DNAJC21: variants seen among roughly 807,000 people sequenced by gnomAD.
The protein encoded by DNAJC21 is DnaJ heat shock protein family (Hsp40) member C21.
DNAJC21 carries 63 observed loss-of-function variants against 72.4 expected under a neutral mutation model. The ratio of observed to expected loss-of-function variants is 0.87; its 90% CI spans 0.71 to 1.07. The LOEUF is 1.07. Ranked by LOEUF, DNAJC21 falls within the 50% of genes least tolerant of loss-of-function variation. The pLI is 0.00. For missense variants in DNAJC21, 634 were observed against 644.8 expected (o/e 0.98, Z 0.18); for synonymous variants, 203 against 216.7 (o/e 0.94, Z 0.56).
At chr5:34,951,838 A>C (rs1046004515) in intron 10 of DNAJC21, 9 of 985,336 alleles carry the variant, frequency 9.1e-6, no homozygotes, top group Non-Finnish European at 1.1e-5. Context: ...TGTTACTTCT[A>C]CATGAGAATT....
intron 10 of DNAJC21, among the ~76,000 whole-genome samples, chr5:34,952,975 C>T (rs1180636941): frequency 1.3e-5 from 2 of 151,858 alleles, no homozygotes; most frequent in Non-Finnish European, 2.9e-5. Context: ...ATGGTAAAAC[C>T]CTGTCTCTAC....
At chr5:34,945,662 T>G in intron 8 of DNAJC21, 99 bp from the exon 9 acceptor site, 2 of 991,538 alleles carry the variant, frequency 2.0e-6, no homozygotes, top group Non-Finnish European at 2.9e-6. Flanking sequence ...CTTTTACTTC[T>G]GTTTTACTAC....
In DNAJC21 at chr5:34,937,591, C is replaced by A; in HGVS notation, c.704C>A (p.Ala235Asp). Residue 235 changes from alanine (A) to aspartate (D), a missense_variant, in exon 5 of 12, where the codon GCC becomes GAC. Coordinates refer to ENST00000648817, the MANE Select transcript of DNAJC21 (RefSeq NM_001012339.3). ...EEQNAEKARK[A>D]EEMRRQQKLK... ...CAGAATGCAGAGAAGGCGAGGAAAG[C>A]CGAAGAGATGAGGCGGCAGCAGAAG... 6.2e-7 allele frequency: 1 copy of A among 1,613,570 alleles called. No individual in the cohort carries two copies. The highest frequency in any genetic ancestry group is 8.5e-7 in the Non-Finnish European group (1 of 1,179,692).
At position 34,953,948 on chromosome 5, in the gene DNAJC21, A is replaced by G. The variant is rs1225568656; in HGVS notation, c.1381A>G (p.Lys461Glu). The G allele has an allele frequency of 6.8e-6, 11 of 1,611,630 alleles. No individual in the cohort carries two copies. The highest frequency in any genetic ancestry group is 9.3e-6 in the Non-Finnish European group (11 of 1,179,276). Residue 461 changes from lysine to glutamate, a missense_variant, in exon 11 of 12, where the codon AAA becomes GAA. Lys to Glu is a moderately conservative substitution (Grantham distance 56, BLOSUM62 1). Coordinates refer to ENST00000648817, the MANE Select transcript of DNAJC21 (RefSeq NM_001012339.3). ...CAGTGTTCCTAAACCCAAAGGAAAG[A>G]AAACCAAAGATATGAAAAAACCTGT... ...AKSVPKPKGKKTKDMKKPVRV... is the reference protein window; with the variant it reads ...AKSVPKPKGKETKDMKKPVRV...
chr5:34,933,334 C>G (rs1476827387), intron 1 of DNAJC21, among the ~76,000 whole-genome samples: 1 of 152,084 alleles, frequency 6.6e-6, no homozygotes, highest in African/African-American at 2.4e-5. Flanking sequence ...CACAGTGGTG[C>G]AATCTAGGCT....
At chr5:34,943,457 C>G (rs1765065850) in intron 7 of DNAJC21, among the ~76,000 whole-genome samples, 1 of 152,190 alleles carries the variant, frequency 6.6e-6, no homozygotes. Context: ...TTCTACCCCT[C>G]ATTTGTCGTG....
At chr5:34,953,018 C>A (rs1246195925) in intron 10 of DNAJC21, among the ~76,000 whole-genome samples, 1 of 151,904 alleles carries the variant, frequency 6.6e-6, no homozygotes, top group African/African-American at 2.4e-5. Flanking sequence ...AGTATGGTGG[C>A]ACGTGCCTGT....
intron 1 of DNAJC21, among the ~76,000 whole-genome samples, chr5:34,931,748 C>T (rs2112016012): frequency 6.6e-6 from 1 of 150,790 alleles, no homozygotes; most frequent in Non-Finnish European, 1.5e-5. Flanking sequence ...GGAGAGTCCG[C>T]AGTGGACAGA....
rs370394264 is a variant in DNAJC21, at chr5:34,942,936, C to T, written c.983+1753C>T. On this transcript the variant is annotated intron_variant, in intron 7 of 11. Transcript: ENST00000648817. The stretch of plus-strand genomic sequence containing the variant: ...CTACAAAATTAGCTGGGCGTGGTGA[C>T]GCATACCTGTAATCCCAGCTACTCA... Among the ~76,000 whole-genome samples the T allele has an allele frequency of 3.9e-3, 596 of 152,188 alleles. 2 individuals are homozygous for T. Among genetic ancestry groups the T allele is most frequent in the African/African-American group, 0.013 (554 of 41,524 alleles).
chr5:34,935,888 C>G (rs1256325993), intron 3 of DNAJC21, 55 bp downstream of exon 3: 35 of 1,603,024 alleles, frequency 2.2e-5, no homozygotes, highest in Non-Finnish European at 2.8e-5. Context: ...TTAAGACTCA[C>G]ATACAAAGAG....
At chr5:34,950,423 T>A (rs1765324326) in intron 10 of DNAJC21, 81 bp downstream of exon 10, 4 of 1,502,668 alleles carry the variant, frequency 2.7e-6, no homozygotes, top group South Asian at 2.8e-5. Context: ...AAATAAAATC[T>A]TCTTTCCCAT....
At chr5:34,939,126 T>A in intron 6 of DNAJC21, 117 bp downstream of exon 6, 2 of 982,058 alleles carry the variant, frequency 2.0e-6, no homozygotes, top group Non-Finnish European at 2.9e-6. Context: ...AATAATGTTG[T>A]ATGGGCCAAA....
chr5:34,947,656 GTTTTT>G (rs11404640), intron 9 of DNAJC21, among the ~76,000 whole-genome samples: 1 of 87,292 alleles, frequency 1.1e-5, no homozygotes, highest in Admixed American at 1.3e-4. Context: ...TTTTCACCAT[GTTTTT>G]TTTTTTTTTT....
chr5:34,935,626 A>C, intron 2 of DNAJC21, 84 bp from the exon 3 acceptor site: 1 of 1,572,538 alleles, frequency 6.4e-7, no homozygotes, highest in East Asian at 2.3e-5. Flanking sequence ...AAAATGTACA[A>C]TAATAATATT....
At chr5:34,933,399 G>A (rs37428) in intron 1 of DNAJC21, among the ~76,000 whole-genome samples, 36,134 of 152,060 alleles carry the variant, frequency 0.24, 4,986 homozygotes, top group East Asian at 0.33. Flanking sequence ...AGCCTCCCGA[G>A]TAGTTGGGAC....
intron 6 of DNAJC21, 71 bp downstream of exon 6, chr5:34,939,080 A>G: frequency 7.5e-7 from 1 of 1,341,548 alleles, no homozygotes; most frequent in Non-Finnish European, 1.0e-6. Context: ...TGCTTATTTG[A>G]CATCTCCCAA....
At chr5:34,930,113 G>C (rs113219186) in intron 1 of DNAJC21, 197 bp downstream of exon 1, 1 of 406,912 alleles carries the variant, frequency 2.5e-6, no homozygotes, top group Non-Finnish European at 4.6e-6. Context: ...GCGCACCCCG[G>C]CTCACACCCC....
intron 11 of DNAJC21, 80 bp from the exon 12 acceptor site, chr5:34,954,473 T>C: frequency 6.9e-7 from 1 of 1,452,314 alleles, no homozygotes; most frequent in South Asian, 1.4e-5. Flanking sequence ...TGTTTGATGC[T>C]TAATCTTGAT....
chr5:34,950,689 G>A (rs1311987870), intron 10 of DNAJC21: 6 of 998,612 alleles, frequency 6.0e-6, no homozygotes, highest in Non-Finnish European at 7.2e-6. Flanking sequence ...TGCGTCCCTG[G>A]AGTGTCACTA....
Sources: allele counts gnomAD v4.1 joint callset (sites outside exome capture counted in the v4.1 genomes callset), GRCh38; gene constraint gnomAD v4.1.1; transcripts MANE v1.5; gene names NCBI Gene and HGNC (gene_info 2026-07-23, HGNC 2026-07-21).